The following ITPRIP variants were observed in gnomAD, a reference collection of about 807,000 sequenced individuals.
ITPRIP encodes the protein inositol 1,4,5-trisphosphate receptor-interacting protein.
A neutral mutation model predicts 35.8 loss-of-function variants in ITPRIP; 32 were observed. The ratio of observed to expected loss-of-function variants is 0.89; its 90% confidence interval spans 0.68 to 1.20. The LOEUF (loss-of-function observed/expected upper bound fraction) is 1.20. ITPRIP is among the 50% of genes most tolerant of loss of function. ITPRIP has a pLI of 0.00. For synonymous variants in ITPRIP, 358 were observed against 324.0 expected (o/e 1.11, Z -1.13); for missense variants, 653 against 735.6 (o/e 0.89, Z 1.30).
At chr10:104,323,189 C>G (rs1261017614) in intron 1 of ITPRIP, among the ~76,000 whole-genome samples, 3 of 152,094 alleles carry the variant, frequency 2.0e-5, no homozygotes, top group African/African-American at 7.3e-5. Flanking sequence ...CAGCACAGAA[C>G]AGGGGAAGGG....
chr10:104,336,375 A>G (rs2014232755), intron 1 of ITPRIP, among the ~76,000 whole-genome samples: 1 of 151,770 alleles, frequency 6.6e-6, no homozygotes, highest in South Asian at 2.1e-4. Context: ...CAGATTCTCC[A>G]TTAAAGCCCC....
At position 104,312,691 on chromosome 10, in the gene ITPRIP, C is replaced by G; in HGVS notation, c.*1717G>C. ...TTGCCCTGATCACAGCCGAGCTGCC[C>G]CACCAGGAATTAACCCTGGTGGGCA... On this transcript the variant is annotated 3_prime_UTR_variant, in exon 2 of 2. Coordinates refer to ENST00000337478, the MANE Select transcript of ITPRIP (RefSeq NM_001272013.2). 2.0e-6 allele frequency: 2 copies of G among 985,280 alleles called. No individual in the cohort carries two copies. The highest frequency in any genetic ancestry group is 4.7e-5 in the South Asian group (1 of 21,280). 61.0% of individuals were successfully genotyped at this position (985,280 alleles called of 1,614,324 possible). A position where few individuals can be genotyped will look rare whatever the true frequency, so the allele number is the denominator to read the frequency against.
rs1327254542 is a variant in ITPRIP, at chr10:104,328,595, C to G, written c.-14+9651G>C. Among the ~76,000 whole-genome samples the G allele has an allele frequency of 6.6e-6, 1 of 152,126 alleles. No homozygotes were observed. The highest frequency in any genetic ancestry group is 1.5e-5 in the Non-Finnish European group (1 of 68,014). ...AACCGGGAGTAAACACAAAGGAAAA[C>G]AAGGAGGGAACAAAGCCCTCCCTTG... On this transcript the variant is annotated intron_variant, in intron 1 of 1. Coordinates refer to ENST00000337478, the MANE Select transcript of ITPRIP (RefSeq NM_001272013.2). The surrounding 1 kb of genome is among the most constrained non-coding windows in gnomAD (Gnocchi z 4.1).
In ITPRIP at chr10:104,314,408, T is replaced by C. The variant is rs1554906088; in HGVS notation, c.1644A>G (p.Ter548TrpextTer11). The C allele has an allele frequency of 7.5e-6, 12 of 1,603,974 alleles. No homozygotes were observed. In the South Asian group the frequency reaches 1.1e-4, roughly 15 times the overall value. Residue 548 changes from the stop codon to tryptophan (W), a stop_lost, in exon 2 of 2, where the codon TGA becomes TGG. Transcript: ENST00000337478. ...VPSDQPTPKS[*>W] ...AGGATCCCACATTCTGTAAAAGACG[T>C]CAGCTTTTTGGGGTAGGCTGGTCTG...
chr10:104,319,391 C>T (rs189528707), intron 1 of ITPRIP, among the ~76,000 whole-genome samples: 142 of 152,266 alleles, frequency 9.3e-4, no homozygotes, highest in Non-Finnish European at 1.6e-3. Context: ...AACACACGCT[C>T]GAAAGTGCTC....
intron 1 of ITPRIP, among the ~76,000 whole-genome samples, chr10:104,335,916 G>C (rs1589897898): frequency 6.7e-6 from 1 of 149,318 alleles, no homozygotes; most frequent in Admixed American, 6.7e-5. Context: ...GTTAATACAG[G>C]CTAAGTACTT....
intron 1 of ITPRIP, among the ~76,000 whole-genome samples, chr10:104,320,803 A>C (rs1210592132): frequency 6.6e-6 from 1 of 152,038 alleles, no homozygotes; most frequent in Non-Finnish European, 1.5e-5. Flanking sequence ...AAGTGCTGGG[A>C]TTACAGGTGT....
chr10:104,319,751 C>T (rs145498922), intron 1 of ITPRIP, among the ~76,000 whole-genome samples: 246 of 152,108 alleles, frequency 1.6e-3, no homozygotes, highest in Middle Eastern at 0.01. Context: ...ACAGGAAACA[C>T]TGCCCTGGGG....
intron 1 of ITPRIP, among the ~76,000 whole-genome samples, chr10:104,324,792 C>T (rs577383443): frequency 6.6e-6 from 1 of 152,304 alleles, no homozygotes; most frequent in East Asian, 1.9e-4. Flanking sequence ...GGGGCGAGTC[C>T]CCACGCCACA....
chr10:104,323,623 G>A (rs2013911609), intron 1 of ITPRIP: 2 of 152,294 alleles, frequency 1.3e-5, no homozygotes, highest in African/African-American at 4.8e-5. Context: ...CTTTGAGAAA[G>A]GAGCATGAGT....
rs2013545066 is a variant in ITPRIP at position 104,313,598 on chromosome 10, G to A, written c.*810C>T. The A allele has an allele frequency of 2.0e-6, 2 of 985,506 alleles. No homozygotes were observed. Among genetic ancestry groups the A allele is most frequent in the Non-Finnish European group, 1.2e-6 (1 of 830,018 alleles). 61.0% of individuals were successfully genotyped at this position (985,506 alleles called of 1,614,324 possible). On this transcript the variant is annotated 3_prime_UTR_variant, in exon 2 of 2. Transcript: ENST00000337478. ...AAAGACCAGCTTTGGAGAGAATAAA[G>A]AGAGGTGGGGGGCTGCTGAGCTGGC...
At chr10:104,316,521 G>A (rs980398980) in intron 1 of ITPRIP, among the ~76,000 whole-genome samples, 2 of 152,122 alleles carry the variant, frequency 1.3e-5, no homozygotes, top group Admixed American at 1.3e-4. Flanking sequence ...CCAATAGGAA[G>A]AAAGACTCAT....
chr10:104,314,194 C>A lies in ITPRIP; in HGVS notation c.*214G>T. The A allele has an allele frequency of 7.3e-7, 1 of 1,371,620 alleles. No homozygotes were observed. The highest frequency in any genetic ancestry group is 9.4e-7 in the Non-Finnish European group (1 of 1,065,374). 85.0% of individuals were successfully genotyped at this position (1,371,620 alleles called of 1,614,324 possible). On this transcript the variant is annotated 3_prime_UTR_variant, in exon 2 of 2. Transcript: ENST00000337478. ...ATCAGTCCCTAAACCCAAATAACAG[C>A]TTTACCAGCAGATCCCAATGGTATG...
chr10:104,327,557 C>A (rs900015306), intron 1 of ITPRIP, among the ~76,000 whole-genome samples: 1 of 152,178 alleles, frequency 6.6e-6, no homozygotes, highest in Non-Finnish European at 1.5e-5. Flanking sequence ...CAGACTCCAC[C>A]TCCAAGGAGC....
At position 104,315,448 on chromosome 10, in the gene ITPRIP, C is replaced by A; in HGVS notation, c.604G>T (p.Val202Leu). ...AGGTGGCACAGCAGTGGCCTGTCCA[C>A]CTGCCAGTTCTCGTACATGCTGTCC... ...GVDSMYENWQ[V>L]DRPLLCHLFV... Residue 202 changes from valine (V) to leucine (L), a missense_variant, in exon 2 of 2, where the codon GTG becomes TTG. Coordinates refer to ENST00000337478, the MANE Select transcript of ITPRIP (RefSeq NM_001272013.2). This position sits in a 1 kb window ranked among gnomAD's most constrained non-coding sequence, Gnocchi z 5.7. 1 of 1,609,152 alleles carries A rather than the reference C, an allele frequency of 6.2e-7. No individual in the cohort carries two copies. Among genetic ancestry groups the A allele is most frequent in the African/African-American group, 1.3e-5 (1 of 74,994 alleles).
Position 104,326,109 on chromosome 10 carries a change from C to G in ITPRIP, c.-13-10045G>C, listed in dbSNP as rs1451067469. On this transcript the variant is annotated intron_variant, in intron 1 of 1. Coordinates refer to ENST00000337478, the MANE Select transcript of ITPRIP (RefSeq NM_001272013.2). The surrounding 1 kb of genome is among the most constrained non-coding windows in gnomAD (Gnocchi z 4.8). The stretch of plus-strand genomic sequence containing the variant: ...GGACTCACAGGAGGTGCTGCTCACA[C>G]CCGTCCAAAGCATTAAGTGCTCTCA... 6.6e-6 allele frequency among the ~76,000 whole-genome samples: 1 copy of G among 152,192 alleles called. No homozygotes were observed. Among genetic ancestry groups the G allele is most frequent in the Non-Finnish European group, 1.5e-5 (1 of 68,030 alleles).
Position 104,310,324 on chromosome 10 carries a change from G to C in ITPRIP, c.*4084C>G, listed in dbSNP as rs2013454805. The C allele has an allele frequency of 6.6e-6, 1 of 152,116 alleles. No individual in the cohort carries two copies. The highest frequency in any genetic ancestry group is 2.4e-5 in the African/African-American group (1 of 41,408). The allele number at this position is 152,116 out of a possible 1,614,324, so 9.4% of individuals were successfully genotyped here. Reference sequence around the variant, plus strand: ...TGGATGGCACTGATCACATAGATAAGGACTCCTTAGTTTGGGGGTGAATCA... The same window carrying C: ...TGGATGGCACTGATCACATAGATAACGACTCCTTAGTTTGGGGGTGAATCA... On this transcript the variant is annotated 3_prime_UTR_variant, in exon 2 of 2. Transcript: ENST00000337478.
In ITPRIP at chr10:104,321,632, C is replaced by A. The variant is rs1165677097; in HGVS notation, c.-13-5568G>T. ...GCATTGCCTAACACCCATAGCTCTCCCATTTCTCGAGCCCTCACTAGGATG... is the reference window on the plus strand; with the variant it reads ...GCATTGCCTAACACCCATAGCTCTCACATTTCTCGAGCCCTCACTAGGATG... On this transcript the variant is annotated intron_variant, in intron 1 of 1. Coordinates refer to ENST00000337478, the MANE Select transcript of ITPRIP (RefSeq NM_001272013.2). Among the ~76,000 whole-genome samples the A allele has an allele frequency of 4.6e-5, 7 of 152,286 alleles. No individual in the cohort carries two copies. In the South Asian group the frequency reaches 1.4e-3, roughly 32 times the overall value.
At chr10:104,324,479 C>A (rs972098338) in intron 1 of ITPRIP, among the ~76,000 whole-genome samples, 7 of 152,136 alleles carry the variant, frequency 4.6e-5, no homozygotes, top group Non-Finnish European at 1.0e-4. Flanking sequence ...GGTGCGTTTG[C>A]GGCTCTGGGC....
Sources: allele counts gnomAD v4.1 joint callset (sites outside exome capture counted in the v4.1 genomes callset), GRCh38; gene constraint gnomAD v4.1.1; non-coding constraint Gnocchi (gnomAD v3.1); transcripts MANE v1.5; gene names NCBI Gene and HGNC (gene_info 2026-07-23, HGNC 2026-07-21).